The following LRP1B variants were observed in gnomAD, a reference collection of about 807,000 sequenced individuals.
LRP1B encodes the protein LDL receptor related protein 1B.
LRP1B carries 217 observed loss-of-function variants against 556.6 expected under a neutral mutation model. The observed-to-expected ratio is 0.39, with a 90% CI of 0.35 to 0.44. The LOEUF (loss-of-function observed/expected upper bound fraction) is 0.44, where lower values mean the gene tolerates loss of function less well. Among genes scored for constraint, LRP1B ranks in the 20% least tolerant of loss-of-function variants. The pLI is 1.00. For synonymous variants in LRP1B, 2,047 were observed against 1,865.8 expected, an observed-to-expected ratio of 1.10 and a Z score of -2.50; for missense variants, 5,053 against 5,620.8, an observed-to-expected ratio of 0.90 and a Z score of 3.23.
intron 7 of LRP1B, among the ~76,000 whole-genome samples, chr2:141,147,393 TC>T (rs1196499233): frequency 6.6e-6 from 1 of 152,202 alleles, no homozygotes; most frequent in African/African-American, 2.4e-5. Context: ...TATTTTCTTG[TC>T]CTTTATAGTC....
intron 35 of LRP1B, among the ~76,000 whole-genome samples, chr2:140,758,563 CA>C (rs1688814687): frequency 6.6e-6 from 1 of 151,954 alleles, no homozygotes; most frequent in Admixed American, 6.6e-5. Flanking sequence ...AACTAATTTT[CA>C]TGTTTAATGA....
chr2:141,739,445 G>A (rs1253404131), intron 2 of LRP1B, among the ~76,000 whole-genome samples: 3 of 152,038 alleles, frequency 2.0e-5, no homozygotes, highest in African/African-American at 4.8e-5. Flanking sequence ...CGAACACCTG[G>A]ATATTGTTTT....
intron 5 of LRP1B, among the ~76,000 whole-genome samples, chr2:141,242,298 A>C (rs1343488333): frequency 6.6e-6 from 1 of 152,060 alleles, no homozygotes; most frequent in Non-Finnish European, 1.5e-5. Context: ...CCCAAAAGAA[A>C]ATTTTAAACT....
chr2:140,470,882 C>T (rs1687741825), intron 60 of LRP1B, among the ~76,000 whole-genome samples: 1 of 151,952 alleles, frequency 6.6e-6, no homozygotes, highest in Non-Finnish European at 1.5e-5. Context: ...CTTGAGGTTC[C>T]CAGACTTCTT....
At chr2:140,826,319 T>C (rs974826446) in intron 31 of LRP1B, among the ~76,000 whole-genome samples, 4 of 152,204 alleles carry the variant, frequency 2.6e-5, no homozygotes, top group Admixed American at 1.3e-4. Flanking sequence ...TCCCCATGTC[T>C]GTGTGGGTTT....
rs201105163 is a variant in LRP1B at position 141,305,179 on chromosome 2, T to C, written c.344-50538A>G. 1.9e-4 allele frequency among the ~76,000 whole-genome samples: 29 copies of C among 152,302 alleles called. No individual in the cohort carries two copies. The East Asian group carries it at 5.4e-3, about 28-fold the overall frequency. ...AATCTGTAGACTGCTTTGGGTAGAATGGTCATTTTAAAAATATTAATTCTT... is the reference window on the plus strand; with the variant it reads ...AATCTGTAGACTGCTTTGGGTAGAACGGTCATTTTAAAAATATTAATTCTT... On this transcript the variant is annotated intron_variant, in intron 3 of 90. Coordinates refer to ENST00000389484, the MANE Select transcript of LRP1B (RefSeq NM_018557.3).
chr2:140,858,069 C>T (rs1692671692), intron 27 of LRP1B, among the ~76,000 whole-genome samples: 1 of 152,152 alleles, frequency 6.6e-6, no homozygotes, highest in South Asian at 2.1e-4. Context: ...TCCCAAGAAA[C>T]ATTTGGGAAT....
intron 77 of LRP1B, 29 bp from the exon 78 acceptor site, chr2:140,335,867 G>T: frequency 7.2e-7 from 1 of 1,392,544 alleles, no homozygotes; most frequent in Non-Finnish European, 1.0e-6. Context: ...ACACACCACG[G>T]TATTTTCAAC....
chr2:141,083,200 C>T (rs1699968000), intron 7 of LRP1B, among the ~76,000 whole-genome samples: 1 of 152,152 alleles, frequency 6.6e-6, no homozygotes. Flanking sequence ...CTTGGTTATA[C>T]ATTTCCTATA....
At chr2:140,483,690 G>C (rs540409139) in intron 59 of LRP1B, among the ~76,000 whole-genome samples, 267 of 136,278 alleles carry the variant, frequency 2.0e-3, no homozygotes, top group Non-Finnish European at 3.7e-3. Flanking sequence ...ACCCAGGCTG[G>C]AATGCAGTGG....
intron 5 of LRP1B, among the ~76,000 whole-genome samples, chr2:141,241,444 G>A (rs964137782): frequency 6.6e-6 from 1 of 151,962 alleles, no homozygotes; most frequent in African/African-American, 2.4e-5. Context: ...AGTGGTCCTT[G>A]GTGGAGAGGA....
chr2:140,269,143 C>A, intron 86 of LRP1B: 1 of 401,680 alleles, frequency 2.5e-6, no homozygotes. Flanking sequence ...GTGTATGACA[C>A]AGATGAGCCC....
chr2:141,047,130 C>T (rs1304553425), intron 11 of LRP1B, among the ~76,000 whole-genome samples: 1 of 151,776 alleles, frequency 6.6e-6, no homozygotes, highest in Non-Finnish European at 1.5e-5. Flanking sequence ...TAAATTTTAT[C>T]TACTTAGACA....
intron 60 of LRP1B, among the ~76,000 whole-genome samples, chr2:140,473,165 C>T (rs1687838204): frequency 6.6e-6 from 1 of 151,966 alleles, no homozygotes; most frequent in Admixed American, 6.6e-5. Context: ...TTCAGGCTGG[C>T]TCCAATTAGT....
At chr2:140,911,425 G>A (rs977147554) in intron 21 of LRP1B, among the ~76,000 whole-genome samples, 5 of 151,608 alleles carry the variant, frequency 3.3e-5, no homozygotes, top group African/African-American at 4.8e-5. Context: ...GTATACTTCG[G>A]TAACTTTTCC....
chr2:141,374,936 C>T (rs772240625), intron 3 of LRP1B, among the ~76,000 whole-genome samples: 1 of 152,126 alleles, frequency 6.6e-6, no homozygotes, highest in Non-Finnish European at 1.5e-5. Flanking sequence ...CCACACTTCC[C>T]TGCTTTTACA....
intron 20 of LRP1B, among the ~76,000 whole-genome samples, chr2:140,935,559 G>A (rs1695178621): frequency 6.6e-6 from 1 of 152,006 alleles, no homozygotes; most frequent in African/African-American, 2.4e-5. Context: ...CCATGAAGAA[G>A]AGCAATATAT....
chr2:140,706,693 A>T (rs1243257783), intron 37 of LRP1B, among the ~76,000 whole-genome samples: 1 of 152,154 alleles, frequency 6.6e-6, no homozygotes, highest in Non-Finnish European at 1.5e-5. Flanking sequence ...AAAAGATCAC[A>T]TTTGGTAGCA....
chr2:140,873,462 T>C (rs1693204575), intron 25 of LRP1B, among the ~76,000 whole-genome samples: 1 of 152,070 alleles, frequency 6.6e-6, no homozygotes, highest in Admixed American at 6.6e-5. Context: ...CTATAAACTA[T>C]AAACTAAGTA....
Sources: gnomAD v4.1 joint callset for allele counts (sites outside exome capture counted in the v4.1 genomes callset) on GRCh38, gnomAD v4.1.1 for gene constraint, MANE v1.5 for transcripts, NCBI Gene and HGNC (gene_info 2026-07-23, HGNC 2026-07-21) for gene names.